The following TYW1 variants were observed in gnomAD, a reference collection of about 807,000 sequenced individuals.
TYW1 encodes tRNA-yW synthesizing protein 1 homolog, also known as S-adenosyl-L-methionine-dependent tRNA 4-demethylwyosine synthase TYW1.
Under a neutral mutation model 96.2 loss-of-function variants are expected in TYW1, and 46 were observed. The ratio of observed to expected loss-of-function variants is 0.48; its 90% CI spans 0.38 to 0.61. TYW1 has a LOEUF of 0.61. Among genes scored for constraint, TYW1 ranks in the 20% least tolerant of loss-of-function variants. TYW1 has a pLI of 0.00. For synonymous variants in TYW1, 274 were observed against 323.0 expected, an observed-to-expected ratio of 0.85 and a Z score of 1.63; for missense variants, 684 against 909.6, an observed-to-expected ratio of 0.75 and a Z score of 3.19.
At chr7:67,000,029 G>C (rs12539604) in intron 3 of TYW1, among the ~76,000 whole-genome samples, 5,536 of 151,392 alleles carry the variant, frequency 0.037, 157 homozygotes, top group Middle Eastern at 0.11. Flanking sequence ...TCTGCCTCTC[G>C]GGCTCAAGGC....
chr7:67,153,676 C>T (rs570792721), intron 13 of TYW1, among the ~76,000 whole-genome samples: 9 of 152,304 alleles, frequency 5.9e-5, no homozygotes, highest in South Asian at 4.1e-4. Context: ...TTAAGTTTCA[C>T]TCCCTAGAAG....
At chr7:67,099,324 G>A (rs1477065348) in intron 12 of TYW1, among the ~76,000 whole-genome samples, 3 of 152,196 alleles carry the variant, frequency 2.0e-5, no homozygotes, top group Non-Finnish European at 4.4e-5. Context: ...GAGCCACTGC[G>A]CCTGGCCTAA....
Position 67,052,996 on chromosome 7 carries a change from C to T in TYW1, c.1103-2839C>T, listed in dbSNP as rs566702915. Among the ~76,000 whole-genome samples the T allele has an allele frequency of 9.9e-5, 15 of 152,074 alleles. No individual in the cohort carries two copies. The South Asian group carries it at 3.1e-3, about 32-fold the overall frequency. ...GACCTCCTGATCTGCCCACCTTGGC[C>T]TCCCAAACTGTTGGGATTACAGGCT... On this transcript the variant is annotated intron_variant, in intron 8 of 15. Transcript: ENST00000359626.
chr7:67,051,264 T>G (rs1412297502), intron 8 of TYW1, among the ~76,000 whole-genome samples: 3 of 152,194 alleles, frequency 2.0e-5, no homozygotes, highest in Middle Eastern at 3.2e-3. Flanking sequence ...ACTTCCATTA[T>G]TTCTTTCTTA....
intron 12 of TYW1, among the ~76,000 whole-genome samples, chr7:67,109,285 A>AG (rs895705196): frequency 6.6e-6 from 1 of 151,500 alleles, no homozygotes; most frequent in African/African-American, 2.4e-5. Context: ...AAAAAAAAAA[A>AG]AAAAAAAAAA....
chr7:67,128,293 C>CA (rs1797963196), intron 13 of TYW1, among the ~76,000 whole-genome samples: 1 of 152,138 alleles, frequency 6.6e-6, no homozygotes, highest in South Asian at 2.1e-4. Context: ...TCCTTAAACT[C>CA]AGAGATTCCT....
intron 9 of TYW1, among the ~76,000 whole-genome samples, chr7:67,062,565 TC>T (rs1795726965): frequency 2.4e-5 from 1 of 41,296 alleles, no homozygotes. Context: ...AGACTCCGTC[TC>T]AAAAAAAAAA....
intron 14 of TYW1, among the ~76,000 whole-genome samples, chr7:67,190,171 C>T (rs931837179): frequency 1.3e-5 from 2 of 152,196 alleles, no homozygotes; most frequent in African/African-American, 4.8e-5. Context: ...CTTAGCATAG[C>T]CTCACTCTCT....
At chr7:67,075,473 A>G (rs1252732312) in intron 10 of TYW1, among the ~76,000 whole-genome samples, 2 of 152,306 alleles carry the variant, frequency 1.3e-5, no homozygotes, top group East Asian at 3.9e-4. Context: ...CAAAAAGTAG[A>G]TATACTCTAG....
At chr7:67,068,961 AT>A (rs1210502410) in intron 10 of TYW1, among the ~76,000 whole-genome samples, 1 of 152,208 alleles carries the variant, frequency 6.6e-6, no homozygotes, top group South Asian at 2.1e-4. Flanking sequence ...AATTCTATTG[AT>A]TATGTTTCAG....
In TYW1 at chr7:67,189,445, A is replaced by ATGTG. The variant is rs754006803; in HGVS notation, c.1810-5717_1810-5714dup. ...GCATGTGTGTGTGGTATGTGTATGT[A>ATGTG]TGTGTGTGTGTTTGTGTTTGTGTGT... On this transcript the variant is annotated intron_variant, in intron 14 of 15. Coordinates refer to ENST00000359626, the MANE Select transcript of TYW1 (RefSeq NM_018264.4). 1.1e-4 allele frequency among the ~76,000 whole-genome samples: 17 copies of ATGTG among 148,296 alleles called. No individual in the cohort carries two copies. In the East Asian group the frequency reaches 2.7e-3, roughly 23 times the overall value.
intron 13 of TYW1, among the ~76,000 whole-genome samples, chr7:67,165,792 C>T (rs796975149): frequency 9.2e-5 from 14 of 152,092 alleles, no homozygotes; most frequent in African/African-American, 3.1e-4. Flanking sequence ...TAGCCAGGTG[C>T]GGTGGCACAC....
At chr7:67,033,923 G>A (rs1465726610) in intron 7 of TYW1, among the ~76,000 whole-genome samples, 2 of 151,824 alleles carry the variant, frequency 1.3e-5, no homozygotes, top group African/African-American at 2.4e-5. Flanking sequence ...TTGAACTCCT[G>A]ACCTTGTGAT....
chr7:67,045,330 C>T (rs1367273310), intron 7 of TYW1, among the ~76,000 whole-genome samples: 1 of 152,030 alleles, frequency 6.6e-6, no homozygotes, highest in Non-Finnish European at 1.5e-5. Context: ...GCCACCTCAG[C>T]CTCCCAAGTA....
At chr7:67,020,023 T>C (rs998973220) in intron 6 of TYW1, among the ~76,000 whole-genome samples, 1 of 152,264 alleles carries the variant, frequency 6.6e-6, no homozygotes, top group African/African-American at 2.4e-5. Context: ...GTCCAAGCTA[T>C]GACTGCAATG....
intron 3 of TYW1, among the ~76,000 whole-genome samples, chr7:67,009,376 G>A (rs576866467): frequency 5.3e-5 from 8 of 152,258 alleles, no homozygotes; most frequent in African/African-American, 7.2e-5. Context: ...AACCCTGATC[G>A]GGTGAGAACA....
Position 67,033,460 on chromosome 7 carries a change from C to T in TYW1, c.984+8438C>T, listed in dbSNP as rs531539536. On this transcript the variant is annotated intron_variant, in intron 7 of 15. Coordinates refer to ENST00000359626, the MANE Select transcript of TYW1 (RefSeq NM_018264.4). ...CTGAATTTCCTAGGCGGCAGCCGTACGTCAATCTGTAATCCTCTGAGGGCG... is the reference window on the plus strand; with the variant it reads ...CTGAATTTCCTAGGCGGCAGCCGTATGTCAATCTGTAATCCTCTGAGGGCG... Among the ~76,000 whole-genome samples, 35 of 152,314 alleles carry T rather than the reference C, an allele frequency of 2.3e-4. No individual in the cohort carries two copies. The East Asian group carries it at 4.6e-3, about 20-fold the overall frequency.
chr7:67,186,161 A>T (rs1800009936), intron 14 of TYW1, among the ~76,000 whole-genome samples: 1 of 145,194 alleles, frequency 6.9e-6, no homozygotes, highest in Non-Finnish European at 1.5e-5. Context: ...TTAATTTATG[A>T]TTTAGCTATT....
intron 11 of TYW1, among the ~76,000 whole-genome samples, chr7:67,091,127 C>G (rs1563007544): frequency 6.6e-6 from 1 of 152,096 alleles, no homozygotes; most frequent in Non-Finnish European, 1.5e-5. Context: ...ATGTTTATTG[C>G]AGCACTATTC....
Sources: allele counts gnomAD v4.1 joint callset (sites outside exome capture counted in the v4.1 genomes callset), GRCh38; gene constraint gnomAD v4.1.1; transcripts MANE v1.5; gene names NCBI Gene and HGNC (gene_info 2026-07-23, HGNC 2026-07-21).